Variants in PCAT7 observed in about 807,000 individuals in gnomAD.
PCAT7 encodes prostate cancer associated transcript 7 (non-protein coding).
chr9:94,559,988 G>A (rs144038736), intron 2 of PCAT7, among the ~76,000 whole-genome samples: 4 of 152,304 alleles, frequency 2.6e-5, no homozygotes, highest in East Asian at 1.9e-4. Context: ...AACCAGGTGT[G>A]GTAGCGCACA....
chr9:94,558,461 A>ATTTT (rs1827041044), intron 1 of PCAT7, among the ~76,000 whole-genome samples: 1 of 151,870 alleles, frequency 6.6e-6, no homozygotes, highest in Non-Finnish European at 1.5e-5. Flanking sequence ...CGCCCGGCTA[A>ATTTT]TTTTTGTATT....
At chr9:94,559,100 G>A (rs760561547) in exon 2 of PCAT7, 1 of 1,613,774 alleles carries the variant, frequency 6.2e-7, no homozygotes, top group Non-Finnish European at 8.5e-7. Context: ...CAATGATGTA[G>A]GCCACGGGAT....
At chr9:94,567,548 T>C in intron 2 of PCAT7, 2 of 901,308 alleles carry the variant, frequency 2.2e-6, no homozygotes, top group East Asian at 4.9e-5. Context: ...GAACCTGCTC[T>C]TTGGTGTTTT....
intron 2 of PCAT7, among the ~76,000 whole-genome samples, chr9:94,566,549 A>ATTT (rs1305937050): frequency 1.3e-5 from 2 of 152,208 alleles, no homozygotes; most frequent in African/African-American, 4.8e-5. Context: ...CTGTTAATAA[A>ATTT]TAGGTGGGTA....
intron 2 of PCAT7, among the ~76,000 whole-genome samples, chr9:94,563,966 CAG>C (rs555372279): frequency 5.2e-4 from 79 of 152,308 alleles, no homozygotes; most frequent in African/African-American, 1.8e-3. Flanking sequence ...GCACCTAACA[CAG>C]GGGCACCCAG....
In PCAT7 at chr9:94,563,375, C is replaced by T. The variant is rs776523856; in HGVS notation, n.441+4223C>T. On this transcript the variant is annotated intron_variant and non_coding_transcript_variant, in intron 2 of 8. Coordinates refer to ENST00000647389, the Ensembl canonical transcript of PCAT7. ...TAGGGCTCTTCTGGTTGGCTGGGTA[C>T]AGGAAGATTCCTCCATAGACCAGGG... 6.2e-6 allele frequency: 10 copies of T among 1,614,006 alleles called. No homozygotes were observed. In the Admixed American group the frequency reaches 1.3e-4, roughly 22 times the overall value.
At chr9:94,555,599 G>A (rs115301899) in intron 1 of PCAT7, among the ~76,000 whole-genome samples, 6,173 of 150,570 alleles carry the variant, frequency 0.041, 428 homozygotes, top group African/African-American at 0.14. Flanking sequence ...GGGAAAATGG[G>A]CGAGCAGTAG....
intron 2 of PCAT7, chr9:94,571,510 C>G (rs1564183412): frequency 1.2e-6 from 2 of 1,613,976 alleles, no homozygotes; most frequent in East Asian, 2.2e-5. Flanking sequence ...AGAGAGCCAC[C>G]AGGGTTGCAC....
intron 2 of PCAT7, chr9:94,563,333 G>C: frequency 6.2e-7 from 1 of 1,613,620 alleles, no homozygotes; most frequent in Non-Finnish European, 8.5e-7. Context: ...GTGGACAAGG[G>C]AGAATTACCT....
intron 2 of PCAT7, chr9:94,567,695 G>C (rs983209103): frequency 4.3e-5 from 15 of 348,228 alleles, no homozygotes; most frequent in African/African-American, 3.1e-4. Context: ...CACTGTCAGT[G>C]AGGCTCCTCA....
At chr9:94,571,539 C>CTGCGGCCACAATAT in intron 2 of PCAT7, 2 of 1,614,048 alleles carry the variant, frequency 1.2e-6, no homozygotes, top group South Asian at 2.2e-5. Flanking sequence ...AGCGCATAAC[C>CTGCGGCCACAATAT]TGCGGCCACA....
At chr9:94,567,132 A>T in intron 2 of PCAT7, 1 of 676,056 alleles carries the variant, frequency 1.5e-6, no homozygotes, top group East Asian at 2.7e-5. Flanking sequence ...AGAAAGGCAG[A>T]GTCCATCATC....
At chr9:94,566,246 A>G (rs1827187845) in intron 2 of PCAT7, among the ~76,000 whole-genome samples, 1 of 152,242 alleles carries the variant, frequency 6.6e-6, no homozygotes, top group Non-Finnish European at 1.5e-5. Flanking sequence ...GGCCATAAAC[A>G]AAGTCTCTGC....
intron 2 of PCAT7, among the ~76,000 whole-genome samples, chr9:94,560,293 C>G (rs897979574): frequency 2.6e-5 from 4 of 152,208 alleles, no homozygotes; most frequent in African/African-American, 9.7e-5. Flanking sequence ...CCTGCAGGCA[C>G]ATGAGAACTG....
At chr9:94,554,811 G>A (rs531618434), upstream of PCAT7, among the ~76,000 whole-genome samples, 11 of 152,046 alleles carry the variant, frequency 7.2e-5, no homozygotes, top group Non-Finnish European at 1.5e-4. Flanking sequence ...GCTCCAGGGG[G>A]CGAAAAGTGA....
At chr9:94,557,498 T>C (rs1827028459) in intron 1 of PCAT7, among the ~76,000 whole-genome samples, 1 of 152,254 alleles carries the variant, frequency 6.6e-6, no homozygotes, top group Admixed American at 6.5e-5. Flanking sequence ...TTGCTGTGTC[T>C]GCTAAAGTTG....
At chr9:94,571,407 G>A in intron 2 of PCAT7, 1 of 1,497,724 alleles carries the variant, frequency 6.7e-7, no homozygotes, top group Non-Finnish European at 9.0e-7. Context: ...CTGGCATTAA[G>A]GCACAGAGGC....
At chr9:94,558,524 AC>A (rs1827042696) in intron 1 of PCAT7, among the ~76,000 whole-genome samples, 1 of 151,980 alleles carries the variant, frequency 6.6e-6, no homozygotes, top group African/African-American at 2.4e-5. Flanking sequence ...CGATCTCCTG[AC>A]CCCGTGATCC....
intron 1 of PCAT7, chr9:94,558,643 C>G (rs1827045010): frequency 5.6e-6 from 2 of 355,262 alleles, no homozygotes; most frequent in Non-Finnish European, 1.1e-5. Context: ...CATGCAGCCG[C>G]CAATTATGTG....
Sources: gnomAD v4.1 joint callset for allele counts (sites outside exome capture counted in the v4.1 genomes callset) on GRCh38, gnomAD v4.1.1 for gene constraint, MANE v1.5 for transcripts, NCBI Gene and HGNC (gene_info 2026-07-23, HGNC 2026-07-21) for gene names.